The following THRAP3 variants were observed in gnomAD, a reference collection of about 807,000 sequenced individuals.
THRAP3 encodes the protein thyroid hormone receptor associated protein 3, also known as thyroid hormone receptor-associated protein 3.
Under a neutral mutation model 101.0 loss-of-function variants are expected in THRAP3, and 16 were observed. The observed-to-expected ratio is 0.16, with a 90% CI of 0.11 to 0.24. The LOEUF (loss-of-function observed/expected upper bound fraction) is 0.24. Among genes scored for constraint, THRAP3 ranks in the 10% least tolerant of loss-of-function variants. The probability of loss-of-function intolerance (pLI) is 1.00; values close to 1 mark genes in which losing one functional copy is unlikely to be tolerated. For missense variants in THRAP3, 989 were observed against 1,202.7 expected, an observed-to-expected ratio of 0.82 and a Z score of 2.63; for synonymous variants, 407 against 422.6, an observed-to-expected ratio of 0.96 and a Z score of 0.45.
chr1:36,273,165 T>C (rs1027471677), intron 2 of THRAP3, among the ~76,000 whole-genome samples: 8 of 152,232 alleles, frequency 5.3e-5, no homozygotes, highest in African/African-American at 9.6e-5. Flanking sequence ...GTTAAACTTA[T>C]TTAGTTAACT....
At chr1:36,290,300 A>T (rs1570335899) in intron 5 of THRAP3, among the ~76,000 whole-genome samples, 1 of 150,832 alleles carries the variant, frequency 6.6e-6, no homozygotes, top group East Asian at 1.9e-4. Context: ...GGTTCACGCC[A>T]TTCTCCTGCC....
chr1:36,233,138 G>A lies in THRAP3; in HGVS notation c.-135+8633G>A, dbSNP rs188786256. ...CCCCCTCGGCCTCCCAAAGTGCTGG[G>A]ATTACAGGCGTGAGCCACTGCACCT... On this transcript the variant is annotated intron_variant, in intron 1 of 11. Transcript: ENST00000354618. 7.0e-4 allele frequency among the ~76,000 whole-genome samples: 106 copies of A among 151,530 alleles called. 2 individuals are homozygous for A. The East Asian group carries it at 0.013, about 18-fold the overall frequency.
intron 1 of THRAP3, among the ~76,000 whole-genome samples, chr1:36,236,670 G>C (rs1570236763): frequency 6.6e-6 from 1 of 152,184 alleles, no homozygotes; most frequent in Non-Finnish European, 1.5e-5. Flanking sequence ...TCCATCCTTA[G>C]ATTTCACAGA....
chr1:36,299,540 AC>A (rs1166210758), intron 9 of THRAP3, among the ~76,000 whole-genome samples: 1 of 150,618 alleles, frequency 6.6e-6, no homozygotes, highest in Non-Finnish European at 1.5e-5. Flanking sequence ...TCGCTCTGTC[AC>A]CCAGGCTGGA....
chr1:36,269,801 A>G (rs1645565212), intron 2 of THRAP3, among the ~76,000 whole-genome samples: 1 of 151,710 alleles, frequency 6.6e-6, no homozygotes, highest in African/African-American at 2.4e-5. Context: ...CTGATTCGAC[A>G]TCCTGGGCTC....
At chr1:36,236,028 TG>T in intron 1 of THRAP3, among the ~76,000 whole-genome samples, 1 of 151,832 alleles carries the variant, frequency 6.6e-6, no homozygotes, top group East Asian at 1.9e-4. Flanking sequence ...GTGGGCAGAT[TG>T]TGAGGTCAGG....
chr1:36,292,252 G>GTTTTTT (rs1557453511), intron 6 of THRAP3, among the ~76,000 whole-genome samples: 8 of 57,504 alleles, frequency 1.4e-4, no homozygotes, highest in Non-Finnish European at 1.7e-4. Context: ...AACATAATGT[G>GTTTTTT]TTTCTTTGTT....
At chr1:36,297,082 A>G (rs1027005305) in intron 9 of THRAP3, among the ~76,000 whole-genome samples, 1 of 152,334 alleles carries the variant, frequency 6.6e-6, no homozygotes, top group African/African-American at 2.4e-5. Flanking sequence ...TACCTTTTTC[A>G]TCACACATTT....
At chr1:36,276,757 TGAGGCAAGAGAATCACTTGAACCGGG>T (rs1645665839) in intron 2 of THRAP3, among the ~76,000 whole-genome samples, 1 of 151,032 alleles carries the variant, frequency 6.6e-6, no homozygotes, top group African/African-American at 2.4e-5. Context: ...CTCGAGAGGC[TGAGGCAAGAGAATCACTTGAACCGGG>T]GAGGTGGAGG....
intron 2 of THRAP3, among the ~76,000 whole-genome samples, chr1:36,271,082 T>C (rs908698235): frequency 6.6e-6 from 1 of 152,244 alleles, no homozygotes; most frequent in Non-Finnish European, 1.5e-5. Context: ...CCCTTCCTGT[T>C]AGCTTCTTTC....
chr1:36,272,322 A>G (rs933678671), intron 2 of THRAP3, among the ~76,000 whole-genome samples: 2 of 152,188 alleles, frequency 1.3e-5, no homozygotes, highest in Admixed American at 6.5e-5. Flanking sequence ...TGAAATTAGT[A>G]TTTACTGATT....
chr1:36,256,231 A>ATTG (rs1645373955), intron 1 of THRAP3, among the ~76,000 whole-genome samples: 1 of 146,654 alleles, frequency 6.8e-6, no homozygotes, highest in African/African-American at 2.5e-5. Context: ...TATTATTATT[A>ATTG]TTATTACTTT....
At chr1:36,209,097 C>G in the THRAP3 span, among the ~76,000 whole-genome samples, 1 of 150,350 alleles carries the variant, frequency 6.7e-6, no homozygotes, top group Non-Finnish European at 1.5e-5. Flanking sequence ...CCACCTCAGC[C>G]TCTCAAGTAG....
chr1:36,254,850 G>A (rs1410967962), intron 1 of THRAP3, among the ~76,000 whole-genome samples: 1 of 152,146 alleles, frequency 6.6e-6, no homozygotes, highest in African/African-American at 2.4e-5. Flanking sequence ...ACCAGACAAT[G>A]GGCTAGATTT....
intron 1 of THRAP3, among the ~76,000 whole-genome samples, chr1:36,239,632 C>T (rs1645132023): frequency 6.6e-6 from 1 of 152,148 alleles, no homozygotes; most frequent in Non-Finnish European, 1.5e-5. Flanking sequence ...GTAGGTTAAT[C>T]ACTCTGTATC....
intron 2 of THRAP3, among the ~76,000 whole-genome samples, chr1:36,274,779 C>G (rs926736220): frequency 6.6e-6 from 1 of 150,976 alleles, no homozygotes; most frequent in Non-Finnish European, 1.5e-5. Flanking sequence ...ATTATAGGCA[C>G]GCGCCATCAC....
the THRAP3 span, among the ~76,000 whole-genome samples, chr1:36,207,718 G>C: frequency 6.6e-6 from 1 of 152,126 alleles, no homozygotes; most frequent in Non-Finnish European, 1.5e-5. Context: ...CTGAGGCTCT[G>C]AACTAAACAA....
At chr1:36,276,053 T>C (rs910196895) in intron 2 of THRAP3, among the ~76,000 whole-genome samples, 1 of 151,966 alleles carries the variant, frequency 6.6e-6, no homozygotes, top group African/African-American at 2.4e-5. Context: ...ACAACATTCA[T>C]AAAAATTAAA....
In THRAP3 at chr1:36,304,049, G is replaced by A. The variant is rs531217301; in HGVS notation, c.*32G>A. 2 of 1,472,426 alleles carry A rather than the reference G, an allele frequency of 1.4e-6. No individual in the cohort carries two copies. The highest frequency in any genetic ancestry group is 2.4e-5 in the East Asian group (1 of 40,908). 91.2% of individuals were successfully genotyped at this position (1,472,426 alleles called of 1,614,324 possible). A position where few individuals can be genotyped will look rare whatever the true frequency, so the allele number is the denominator to read the frequency against. ...CCCTTGACGGGATTCCTGCCCAGGGGAGAGAGGCGCTGGGAAGATGGCTGG... is the reference window on the plus strand; with the variant it reads ...CCCTTGACGGGATTCCTGCCCAGGGAAGAGAGGCGCTGGGAAGATGGCTGG... On this transcript the variant is annotated 3_prime_UTR_variant, in exon 12 of 12. Transcript: ENST00000354618.
Sources: allele counts gnomAD v4.1 joint callset (sites outside exome capture counted in the v4.1 genomes callset), GRCh38; gene constraint gnomAD v4.1.1; transcripts MANE v1.5; gene names NCBI Gene and HGNC (gene_info 2026-07-23, HGNC 2026-07-21).